DPP10: variants seen among roughly 807,000 people sequenced by gnomAD.
DPP10 encodes the protein dipeptidyl peptidase like 10.
A neutral mutation model predicts 120.9 loss-of-function variants in DPP10; 33 were observed. The observed-to-expected ratio is 0.27, with a 90% confidence interval of 0.21 to 0.37. The LOEUF is 0.37. Ranked by LOEUF, DPP10 falls within the 10% of genes least tolerant of loss-of-function variation. The pLI, the probability that DPP10 is intolerant of heterozygous loss-of-function variation, is 1.00. For missense variants in DPP10, 816 were observed against 942.8 expected (o/e 0.87, Z 1.76); for synonymous variants, 337 against 326.1 (o/e 1.03, Z -0.36).
intron 5 of DPP10, among the ~76,000 whole-genome samples, chr2:115,648,083 C>G (rs779320735): frequency 6.6e-6 from 1 of 152,092 alleles, no homozygotes; most frequent in South Asian, 2.1e-4. Context: ...TCCCTCACAT[C>G]TAGCTTACTA....
chr2:114,601,515 T>C (rs1275973206), intron 1 of DPP10, among the ~76,000 whole-genome samples: 1 of 151,922 alleles, frequency 6.6e-6, no homozygotes, highest in African/African-American at 2.4e-5. Context: ...TATAAGTATA[T>C]GGTGTTTCAC....
chr2:115,795,101 C>T (rs544551125), intron 19 of DPP10, among the ~76,000 whole-genome samples: 5 of 152,242 alleles, frequency 3.3e-5, no homozygotes, highest in Admixed American at 6.5e-5. Flanking sequence ...CACTTGCAGA[C>T]GTTCATTTGG....
At chr2:114,969,447 A>G (rs767665359) in intron 1 of DPP10, among the ~76,000 whole-genome samples, 10 of 152,226 alleles carry the variant, frequency 6.6e-5, no homozygotes, top group South Asian at 2.1e-4. Flanking sequence ...AAATATATAT[A>G]TGTGTGTTTG....
At chr2:115,291,014 A>T (rs955949553) in intron 1 of DPP10, among the ~76,000 whole-genome samples, 1 of 151,824 alleles carries the variant, frequency 6.6e-6, no homozygotes, top group African/African-American at 2.4e-5. Context: ...TGAGTTTATT[A>T]TTTTTCTGAG....
intron 5 of DPP10, among the ~76,000 whole-genome samples, chr2:115,600,806 T>C (rs2083276862): frequency 6.6e-6 from 1 of 152,234 alleles, no homozygotes; most frequent in Non-Finnish European, 1.5e-5. Context: ...TATTTCTGTT[T>C]GATTAATAAT....
intron 1 of DPP10, among the ~76,000 whole-genome samples, chr2:115,029,386 G>GGTTT (rs888370007): frequency 1.3e-5 from 2 of 150,870 alleles, no homozygotes; most frequent in African/African-American, 4.9e-5. Context: ...GAGTATTCTA[G>GGTTT]GTTTGTCTGT....
intron 7 of DPP10, among the ~76,000 whole-genome samples, chr2:115,693,377 T>C (rs368223663): frequency 3.8e-4 from 58 of 152,272 alleles, no homozygotes; most frequent in African/African-American, 1.3e-3. Flanking sequence ...ACTCTGATGT[T>C]GTGAACAATA....
chr2:115,133,145 G>GTGTGTATATATATA (rs1338395575), intron 1 of DPP10, among the ~76,000 whole-genome samples: 42 of 28,762 alleles, frequency 1.5e-3, no homozygotes, highest in Non-Finnish European at 1.9e-3. Context: ...GTGTGTGTGT[G>GTGTGTATATATATA]TATATATATA....
chr2:115,786,197 G>C (rs1436987052), intron 17 of DPP10, among the ~76,000 whole-genome samples: 2 of 152,100 alleles, frequency 1.3e-5, no homozygotes, highest in African/African-American at 4.8e-5. Flanking sequence ...ACACAGTTCA[G>C]GACAAGAGGA....
chr2:114,462,290 C>T (rs961005928), intron 1 of DPP10: 4 of 343,984 alleles, frequency 1.2e-5, no homozygotes, highest in South Asian at 1.2e-4. Flanking sequence ...GAGGAATAAA[C>T]GTTGTGGCAC....
At chr2:114,690,680 T>C (rs1285535776) in intron 1 of DPP10, among the ~76,000 whole-genome samples, 1 of 152,060 alleles carries the variant, frequency 6.6e-6, no homozygotes, top group Non-Finnish European at 1.5e-5. Flanking sequence ...GGGTAGTATG[T>C]CCATTTTCAC....
At position 114,657,324 on chromosome 2, in the gene DPP10, GA is replaced by G. The variant is rs1490140703; in HGVS notation, c.60+214489del. 1.1e-4 allele frequency among the ~76,000 whole-genome samples: 16 copies of G among 152,198 alleles called. No individual in the cohort carries two copies. The East Asian group carries it at 2.7e-3, about 26-fold the overall frequency. ...CTTGAAACTCAAGCTTGAATAACCA[GA>G]AATAGGAATCTTCCCCATTATGTTT... On this transcript the variant is annotated intron_variant, in intron 1 of 25. Transcript: ENST00000410059.
chr2:115,727,837 A>G lies in DPP10; in HGVS notation c.598A>G (p.Ile200Val). The G allele has an allele frequency of 1.3e-6, 2 of 1,589,372 alleles. No individual in the cohort carries two copies. The highest frequency in any genetic ancestry group is 1.2e-5 in the South Asian group (1 of 85,442). ...CCAGATTTATATTTTTGAAAATAAT[A>G]TCTACTATCAACCTGATATAAAGAG... ...QQLIYIFENNIYYQPDIKSSS... is the reference protein window; with the variant it reads ...QQLIYIFENNVYYQPDIKSSS... Residue 200 changes from isoleucine (I) to valine (V), a missense_variant, in exon 8 of 26, where the codon ATC (isoleucine) becomes GTC (valine). Transcript: ENST00000410059.
rs186440951 is a variant in DPP10, at chr2:115,710,438, C to G, written c.577-17378C>G. On this transcript the variant is annotated intron_variant, in intron 7 of 25. Transcript: ENST00000410059. ...TCTATGTTTTACATGAGATTATTAT[C>G]TTCCTTAATAATAATTTTCACAAGG... 9.6e-3 allele frequency among the ~76,000 whole-genome samples: 1,467 copies of G among 152,132 alleles called. 11 individuals carry two copies. The highest frequency in any genetic ancestry group is 0.015 in the Non-Finnish European group (1,017 of 67,952).
At chr2:114,784,629 C>G (rs1481687882) in intron 1 of DPP10, among the ~76,000 whole-genome samples, 1 of 152,128 alleles carries the variant, frequency 6.6e-6, no homozygotes, top group Non-Finnish European at 1.5e-5. Context: ...GTCTTTTCCC[C>G]CCAATATCCA....
chr2:115,584,534 ACT>A (rs1178690977), intron 5 of DPP10, among the ~76,000 whole-genome samples: 1 of 152,220 alleles, frequency 6.6e-6, no homozygotes, highest in Non-Finnish European at 1.5e-5. Context: ...TAAAATATTT[ACT>A]GTCTGTCTCT....
At chr2:114,502,800 A>G (rs1013535939) in intron 1 of DPP10, among the ~76,000 whole-genome samples, 2 of 152,228 alleles carry the variant, frequency 1.3e-5, no homozygotes, top group African/African-American at 4.8e-5. Context: ...CCCACGATCA[A>G]GTGACTCATA....
intron 1 of DPP10, among the ~76,000 whole-genome samples, chr2:114,905,862 A>G (rs1693919968): frequency 6.6e-6 from 1 of 152,174 alleles, no homozygotes; most frequent in Non-Finnish European, 1.5e-5. Context: ...TATAGATTAT[A>G]TAATTGATTT....
rs7572390 is a variant in DPP10, at chr2:114,913,435, G to T, written c.61-395804G>T. ...CCTCGAGGGGCCAGAGAAAAAAGCC[G>T]TAAGACTGGTCCCAGTCCTTCAGGG... On this transcript the variant is annotated intron_variant, in intron 1 of 25. Coordinates refer to ENST00000410059, the MANE Select transcript of DPP10 (RefSeq NM_020868.6). Among the ~76,000 whole-genome samples the T allele has an allele frequency of 2.1e-3, 316 of 152,258 alleles. 1 individual carries two copies. The highest frequency in any genetic ancestry group is 0.014 in the Middle Eastern group (4 of 294).
Sources: allele counts gnomAD v4.1 joint callset (sites outside exome capture counted in the v4.1 genomes callset), GRCh38; gene constraint gnomAD v4.1.1; transcripts MANE v1.5; gene names NCBI Gene and HGNC (gene_info 2026-07-23, HGNC 2026-07-21).